PTPRN2: variants seen among roughly 807,000 people sequenced by gnomAD.
The protein encoded by PTPRN2 is receptor-type tyrosine-protein phosphatase N2.
A neutral mutation model predicts 118.8 loss-of-function variants in PTPRN2; 74 were observed. The ratio of observed to expected loss-of-function variants is 0.62; its 90% CI spans 0.52 to 0.76. The LOEUF is 0.76. PTPRN2 is among the 30% of genes least tolerant of loss of function. PTPRN2 has a pLI of 0.00. For synonymous variants in PTPRN2, 641 were observed against 608.0 expected (o/e 1.05, Z -0.80); for missense variants, 1,481 against 1,394.4 (o/e 1.06, Z -0.99).
chr7:158,023,860 A>C (rs1439093248), intron 11 of PTPRN2, among the ~76,000 whole-genome samples: 3 of 151,490 alleles, frequency 2.0e-5, no homozygotes, highest in Admixed American at 6.6e-5. Context: ...GCAAACACAT[A>C]GGGCCTGGCA....
intron 12 of PTPRN2, among the ~76,000 whole-genome samples, chr7:157,866,751 C>T (rs887470476): frequency 1.1e-4 from 17 of 151,828 alleles, no homozygotes; most frequent in African/African-American, 3.6e-4. Flanking sequence ...CCGAGATGCA[C>T]GGCCACCACC....
chr7:157,853,738 T>G (rs1403553287), intron 12 of PTPRN2, among the ~76,000 whole-genome samples: 2 of 152,136 alleles, frequency 1.3e-5, no homozygotes, highest in Non-Finnish European at 2.9e-5. Flanking sequence ...AGGGAGATAC[T>G]CCCCGTGTTT....
At chr7:157,570,743 C>T (rs1452869896) in intron 20 of PTPRN2, among the ~76,000 whole-genome samples, 1 of 152,190 alleles carries the variant, frequency 6.6e-6, no homozygotes, top group Non-Finnish European at 1.5e-5. Flanking sequence ...CGTCCCTGTA[C>T]ATAACTGGCC....
At position 157,598,792 on chromosome 7, in the gene PTPRN2, A is replaced by G. The variant is rs1801498810; in HGVS notation, c.2419-3477T>C. On this transcript the variant is annotated intron_variant, in intron 16 of 22. Transcript: ENST00000389418. This position sits in a 1 kb window ranked among gnomAD's most constrained non-coding sequence, Gnocchi z 5.2. ...AAGGAAGGATGCTGCTTCCTCAAGC[A>G]CAGAGCTGCTGTGTCCTCCAGTGGT... Among the ~76,000 whole-genome samples the G allele has an allele frequency of 1.3e-5, 2 of 152,218 alleles. No homozygotes were observed. Among genetic ancestry groups the G allele is most frequent in the Non-Finnish European group, 2.9e-5 (2 of 68,032 alleles).
intron 6 of PTPRN2, among the ~76,000 whole-genome samples, chr7:158,148,954 G>A (rs1447014656): frequency 2.7e-5 from 3 of 111,098 alleles, no homozygotes; most frequent in Admixed American, 8.8e-5. Flanking sequence ...CACGCCACGT[G>A]TCTTTCCCCT....
At chr7:157,630,468 T>G (rs1053172966) in intron 14 of PTPRN2, among the ~76,000 whole-genome samples, 1 of 151,888 alleles carries the variant, frequency 6.6e-6, no homozygotes, top group Non-Finnish European at 1.5e-5. Flanking sequence ...CGGCAGGGAG[T>G]GAACCGGCTT....
chr7:158,077,186 A>G lies in PTPRN2; in HGVS notation c.1723+4112T>C, dbSNP rs554115068. On this transcript the variant is annotated intron_variant, in intron 11 of 22. Coordinates refer to ENST00000389418, the MANE Select transcript of PTPRN2 (RefSeq NM_002847.5). ...AGAGTCCAGTTCTGAGCCGGGATTC[A>G]AGAGAGGCTCACAAGAGAGGAGGGG... Among the ~76,000 whole-genome samples, 451 of 152,308 alleles carry G rather than the reference A, an allele frequency of 3.0e-3. 3 individuals carry two copies. Among genetic ancestry groups the G allele is most frequent in the African/African-American group, 0.01 (434 of 41,570 alleles).
At chr7:157,673,064 C>CT (rs1035650764) in intron 13 of PTPRN2, among the ~76,000 whole-genome samples, 9 of 151,442 alleles carry the variant, frequency 5.9e-5, no homozygotes, top group African/African-American at 1.5e-4. Context: ...AGGTTCCATC[C>CT]TTTTTTTTTG....
chr7:158,532,660 T>A, intron 1 of PTPRN2: 1 of 519,244 alleles, frequency 1.9e-6, no homozygotes, highest in South Asian at 1.4e-5. Flanking sequence ...CATGATGTGA[T>A]TAGAGGAACA....
intron 2 of PTPRN2, among the ~76,000 whole-genome samples, chr7:158,469,196 C>T (rs941702703): frequency 6.6e-6 from 1 of 152,218 alleles, no homozygotes; most frequent in Non-Finnish European, 1.5e-5. Context: ...AACCCCAGCA[C>T]TTAGGGAGGC....
chr7:158,261,669 G>A (rs923299008), intron 3 of PTPRN2, among the ~76,000 whole-genome samples: 1 of 152,126 alleles, frequency 6.6e-6, no homozygotes, highest in Non-Finnish European at 1.5e-5. Flanking sequence ...CGGGACCGCA[G>A]GCTCCCCCCA....
intron 17 of PTPRN2, among the ~76,000 whole-genome samples, chr7:157,586,198 T>C (rs982795404): frequency 1.3e-5 from 2 of 152,194 alleles, no homozygotes; most frequent in African/African-American, 2.4e-5. Context: ...AACACAACTC[T>C]CATGTTAATT....
intron 3 of PTPRN2, among the ~76,000 whole-genome samples, chr7:158,290,935 T>C (rs1329967683): frequency 6.6e-6 from 1 of 152,202 alleles, no homozygotes; most frequent in East Asian, 1.9e-4. Context: ...ACTATGTGAC[T>C]CTCTTTAAAA....
chr7:157,876,011 G>A (rs971634338), intron 12 of PTPRN2, among the ~76,000 whole-genome samples: 7 of 152,228 alleles, frequency 4.6e-5, no homozygotes, highest in African/African-American at 1.7e-4. Flanking sequence ...GGGCAGGTAT[G>A]CCTTGGCCAT....
chr7:158,276,037 T>A (rs1433285381), intron 3 of PTPRN2, among the ~76,000 whole-genome samples: 1 of 152,170 alleles, frequency 6.6e-6, no homozygotes, highest in African/African-American at 2.4e-5. Flanking sequence ...CTGACTTTTA[T>A]CTGCACAAAT....
At chr7:157,931,390 G>C (rs71543622) in intron 11 of PTPRN2, among the ~76,000 whole-genome samples, 1 of 152,190 alleles carries the variant, frequency 6.6e-6, no homozygotes, top group Non-Finnish European at 1.5e-5. Context: ...CGTTTGGCCC[G>C]GGAAAGGGCA....
At chr7:158,497,983 G>A (rs937778545) in intron 1 of PTPRN2, among the ~76,000 whole-genome samples, 3 of 152,272 alleles carry the variant, frequency 2.0e-5, no homozygotes, top group Non-Finnish European at 2.9e-5. Flanking sequence ...TGCAAAGGTG[G>A]ATCCTTGGGG....
At chr7:158,355,350 CAAA>C (rs1808305118) in intron 2 of PTPRN2, among the ~76,000 whole-genome samples, 1 of 152,194 alleles carries the variant, frequency 6.6e-6, no homozygotes, top group South Asian at 2.1e-4. Flanking sequence ...CCTTTCCAAT[CAAA>C]TGTTCTGTGT....
Position 158,565,583 on chromosome 7 carries a change from T to C in PTPRN2, c.112+21975A>G, listed in dbSNP as rs1482822265. 1.3e-5 allele frequency among the ~76,000 whole-genome samples: 2 copies of C among 152,194 alleles called. No individual in the cohort carries two copies. The highest frequency in any genetic ancestry group is 4.1e-4 in the South Asian group (2 of 4,830). On this transcript the variant is annotated intron_variant, in intron 1 of 22. Coordinates refer to ENST00000389418, the MANE Select transcript of PTPRN2 (RefSeq NM_002847.5). This position sits in a 1 kb window ranked among gnomAD's most constrained non-coding sequence, Gnocchi z 4.6. ...AACTTCCCGTCTGGGATCTGCAGGC[T>C]TCAACAACTGTCAAAGCACGGGAAA...
Sources: allele counts gnomAD v4.1 joint callset (sites outside exome capture counted in the v4.1 genomes callset), GRCh38; gene constraint gnomAD v4.1.1; non-coding constraint Gnocchi (gnomAD v3.1); transcripts MANE v1.5; gene names NCBI Gene and HGNC (gene_info 2026-07-23, HGNC 2026-07-21).